PTPN13: variants seen among roughly 807,000 people sequenced by gnomAD.
The protein encoded by PTPN13 is tyrosine-protein phosphatase non-receptor type 13.
In PTPN13, 191 loss-of-function variants were observed where a neutral mutation model predicts 284.0. That is an observed-to-expected ratio of 0.67 (90% CI 0.60 to 0.76). The LOEUF (loss-of-function observed/expected upper bound fraction) is 0.76. PTPN13 is among the 30% of genes least tolerant of loss of function. The pLI is 0.00. For missense variants in PTPN13, 2,797 were observed against 2,939.9 expected (o/e 0.95, Z 1.12); for synonymous variants, 986 against 1,022.3 (o/e 0.96, Z 0.68).
chr4:86,745,437 T>G (rs1736633131), intron 17 of PTPN13, among the ~76,000 whole-genome samples: 1 of 152,144 alleles, frequency 6.6e-6, no homozygotes, highest in African/African-American at 2.4e-5. Context: ...ATCCAATATT[T>G]GGAAGGGTAA....
chr4:86,596,756 A>G lies in PTPN13; in HGVS notation c.-6+1967A>G, dbSNP rs112642544. On this transcript the variant is annotated intron_variant, in intron 1 of 47. Transcript: ENST00000411767. ...CAGCTCATCTTAGTGCCCAGCCCCA[A>G]ATGTACTGGAGAGAAGGACTGTAAG... is the stretch of plus-strand genomic sequence containing the variant. Among the ~76,000 whole-genome samples, 936 of 152,276 alleles carry G rather than the reference A, an allele frequency of 6.1e-3. 14 individuals are homozygous for G. Among genetic ancestry groups the G allele is most frequent in the African/African-American group, 0.021 (874 of 41,554 alleles).
At chr4:86,659,441 T>C (rs1726223502) in intron 2 of PTPN13, among the ~76,000 whole-genome samples, 1 of 152,176 alleles carries the variant, frequency 6.6e-6, no homozygotes, top group South Asian at 2.1e-4. Context: ...AGTTTTCCAA[T>C]ATCTGATTAA....
chr4:86,745,778 A>G (rs1419547017), intron 17 of PTPN13, among the ~76,000 whole-genome samples: 4 of 152,162 alleles, frequency 2.6e-5, no homozygotes, highest in Non-Finnish European at 4.4e-5. Context: ...TCTGTCTCAA[A>G]AAAAAAAAAT....
In PTPN13 at chr4:86,701,350, T is replaced by G. The variant is rs202182886; in HGVS notation, c.744T>G (p.Asp248Glu). ...SKSMGFLSIK[D>E]TQDENYFKDI... The stretch of plus-strand genomic sequence containing the variant: ...CTATGGGATTTCTGTCCATCAAAGA[T>G]ACACAAGATGAGAATTATTTCAAGG... The change falls in exon 7 of 48, where the codon GAT (aspartate) becomes GAG (glutamate). Residue 248 changes from aspartate (D) to glutamate (E), a missense_variant. Asp to Glu is a conservative substitution (Grantham distance 45). Transcript: ENST00000411767. The G allele has an allele frequency of 9.1e-4, 1,465 of 1,612,720 alleles. 1 individual carries two copies. Among genetic ancestry groups the G allele is most frequent in the Non-Finnish European group, 1.1e-3 (1,310 of 1,178,948 alleles).
At chr4:86,774,716 TATA>T (rs765909985) in intron 33 of PTPN13, among the ~76,000 whole-genome samples, 185 bp downstream of exon 33, 33 of 149,854 alleles carry the variant, frequency 2.2e-4, no homozygotes, top group African/African-American at 7.3e-4. Flanking sequence ...TATATATATA[TATA>T]TATTTTTTAC....
intron 6 of PTPN13, 137 bp downstream of exon 6, chr4:86,693,811 G>A: frequency 4.0e-6 from 2 of 500,786 alleles, no homozygotes; most frequent in East Asian, 3.0e-5. Context: ...TGGAGGTAGG[G>A]AATGGGCAGG....
chr4:86,798,043 A>G (rs953709976), intron 41 of PTPN13, among the ~76,000 whole-genome samples: 3 of 152,198 alleles, frequency 2.0e-5, no homozygotes, highest in Non-Finnish European at 4.4e-5. Flanking sequence ...GGTCCTGCAA[A>G]TTTAACCATA....
intron 42 of PTPN13, among the ~76,000 whole-genome samples, chr4:86,802,145 T>TTGTG (rs565544263): frequency 1.5e-3 from 222 of 143,954 alleles, no homozygotes; most frequent in East Asian, 5.9e-3. Flanking sequence ...ATCAAGATTT[T>TTGTG]AGTGTGTGTG....
intron 1 of PTPN13, among the ~76,000 whole-genome samples, chr4:86,628,503 A>T (rs868186745): frequency 0.016 from 2,136 of 136,738 alleles, 38 homozygotes; most frequent in African/African-American, 0.049. Flanking sequence ...TTTTTTTTTA[A>T]TTTTTTTTTT....
chr4:86,680,379 ATCTATCT>A, intron 3 of PTPN13, among the ~76,000 whole-genome samples: 1 of 150,900 alleles, frequency 6.6e-6, no homozygotes, highest in South Asian at 2.1e-4. Flanking sequence ...CTATCTATCT[ATCTATCT>A]ATCTATCTAT....
chr4:86,659,318 C>T (rs1726206728), intron 2 of PTPN13, among the ~76,000 whole-genome samples: 2 of 152,002 alleles, frequency 1.3e-5, no homozygotes, highest in African/African-American at 4.8e-5. Flanking sequence ...AAATCTAACA[C>T]TCATAACATA....
intron 2 of PTPN13, chr4:86,661,095 C>G: frequency 2.2e-6 from 1 of 453,736 alleles, no homozygotes. Context: ...AATTACCACC[C>G]AGATTCAGAG....
chr4:86,646,563 G>A (rs1045321906), intron 2 of PTPN13, among the ~76,000 whole-genome samples: 4 of 152,190 alleles, frequency 2.6e-5, no homozygotes, highest in Non-Finnish European at 4.4e-5. Flanking sequence ...CTCCCAAAGT[G>A]CTGGGATGAC....
chr4:86,762,427 A>G lies in PTPN13; in HGVS notation c.3554-300A>G, dbSNP rs140848258. On this transcript the variant is annotated intron_variant, in intron 23 of 47. Transcript: ENST00000411767. ...TTAATAAGGACAAAGAATGTGGGAC[A>G]CTAAGAAAGTATAAATTATCTGTGG... Among the ~76,000 whole-genome samples, 614 of 152,366 alleles carry G rather than the reference A, an allele frequency of 4.0e-3. 9 individuals carry two copies. The highest frequency in any genetic ancestry group is 0.014 in the African/African-American group (578 of 41,590).
intron 17 of PTPN13, among the ~76,000 whole-genome samples, chr4:86,745,975 C>T (rs926932704): frequency 6.6e-6 from 1 of 151,980 alleles, no homozygotes; most frequent in African/African-American, 2.4e-5. Context: ...GGAAACAAGG[C>T]AGAGGATGGG....
At position 86,702,214 on chromosome 4, in the gene PTPN13, T is replaced by C. The variant is rs556033337; in HGVS notation, c.1195+413T>C. 5.9e-5 allele frequency among the ~76,000 whole-genome samples: 9 copies of C among 152,338 alleles called. No homozygotes were observed. In the South Asian group the frequency reaches 1.2e-3, roughly 21 times the overall value. The stretch of plus-strand genomic sequence containing the variant: ...AAAAGCAGTTCATCAAAATCAGCAA[T>C]GCCGGAGAAGCAGAATAGCATGGTT... On this transcript the variant is annotated intron_variant, in intron 7 of 47. Transcript: ENST00000411767.
In PTPN13 at chr4:86,600,804, G is replaced by A. The variant is rs62308409; in HGVS notation, c.-6+6015G>A. Among the ~76,000 whole-genome samples the A allele has an allele frequency of 2.9e-3, 434 of 151,914 alleles. 3 individuals carry two copies. Among genetic ancestry groups the A allele is most frequent in the Non-Finnish European group, 5.6e-3 (378 of 67,884 alleles). ...AAAAATAAACATTTAAATTATTTAG[G>A]GGATGATTATTTTAGGTCTTAGTGT... On this transcript the variant is annotated intron_variant, in intron 1 of 47. Coordinates refer to ENST00000411767, the MANE Select transcript of PTPN13 (RefSeq NM_080683.3).
intron 6 of PTPN13, among the ~76,000 whole-genome samples, chr4:86,695,901 G>A (rs756715507): frequency 6.6e-6 from 1 of 152,034 alleles, no homozygotes; most frequent in South Asian, 2.1e-4. Flanking sequence ...ATTCACATAT[G>A]ATTTATTTAT....
rs184358792 is a variant in PTPN13, at chr4:86,749,589, A to G, written c.2651-881A>G. On this transcript the variant is annotated intron_variant, in intron 17 of 47. Transcript: ENST00000411767. ...TTTGTTATTAGCCTCAAATATTAAA[A>G]TATCACTGTGACATTGGTTCCTACA... is the stretch of plus-strand genomic sequence containing the variant. 4.0e-3 allele frequency among the ~76,000 whole-genome samples: 604 copies of G among 152,342 alleles called. 16 individuals carry two copies. The highest frequency in any genetic ancestry group is 2.1e-3 in the East Asian group (11 of 5,190).
Sources: gnomAD v4.1 joint callset for allele counts (sites outside exome capture counted in the v4.1 genomes callset) on GRCh38, gnomAD v4.1.1 for gene constraint, MANE v1.5 for transcripts, NCBI Gene and HGNC (gene_info 2026-07-23, HGNC 2026-07-21) for gene names.